Variants in HPSE2 observed in about 807,000 individuals in gnomAD.
The protein encoded by HPSE2 is inactive heparanase-2.
HPSE2 carries 38 observed loss-of-function variants against 60.5 expected under a neutral mutation model. The observed-to-expected ratio is 0.63, with a 90% CI of 0.48 to 0.82. HPSE2 has a LOEUF of 0.82. Ranked by LOEUF, HPSE2 falls within the 40% of genes least tolerant of loss-of-function variation. The pLI, the probability that HPSE2 is intolerant of heterozygous loss-of-function variation, is 0.00. For synonymous variants in HPSE2, 295 were observed against 293.2 expected (o/e 1.01, Z -0.06); for missense variants, 713 against 740.4 (o/e 0.96, Z 0.43).
intron 5 of HPSE2, among the ~76,000 whole-genome samples, chr10:98,707,467 TTTCTC>T (rs1355956996): frequency 6.6e-6 from 1 of 152,298 alleles, no homozygotes; most frequent in Non-Finnish European, 1.5e-5. Context: ...ACTGAATAGT[TTTCTC>T]TGCTATATGT....
At chr10:98,712,248 C>T (rs1335807023) in intron 5 of HPSE2, among the ~76,000 whole-genome samples, 2 of 149,972 alleles carry the variant, frequency 1.3e-5, no homozygotes, top group African/African-American at 4.9e-5. Flanking sequence ...ATTATAATGA[C>T]AGTATTTTTG....
intron 9 of HPSE2, among the ~76,000 whole-genome samples, chr10:98,502,217 CA>C (rs1388582975): frequency 2.6e-5 from 4 of 151,956 alleles, no homozygotes; most frequent in Non-Finnish European, 4.4e-5. Flanking sequence ...CATATGGAAC[CA>C]AAAAAGAGCC....
chr10:99,090,838 C>T (rs75700612), intron 3 of HPSE2, among the ~76,000 whole-genome samples: 1 of 152,028 alleles, frequency 6.6e-6, no homozygotes, highest in Non-Finnish European at 1.5e-5. Context: ...TGCTTCCACT[C>T]AAGAGCTCTG....
chr10:98,596,741 A>AT (rs1277368674), intron 9 of HPSE2, among the ~76,000 whole-genome samples: 2 of 151,990 alleles, frequency 1.3e-5, no homozygotes, highest in Non-Finnish European at 2.9e-5. Flanking sequence ...GAACTCCCTT[A>AT]TATGCGATTT....
At chr10:99,181,397 C>CAAAAAAAAAAAAAAAAAA (rs58049545) in intron 2 of HPSE2, among the ~76,000 whole-genome samples, 2 of 104,764 alleles carry the variant, frequency 1.9e-5, no homozygotes, top group African/African-American at 1.1e-4. Context: ...GACTCCGTCT[C>CAAAAAAAAAAAAAAAAAA]AAAAAAAAAA....
At chr10:99,211,124 C>T (rs1848939464) in intron 2 of HPSE2, among the ~76,000 whole-genome samples, 1 of 151,482 alleles carries the variant, frequency 6.6e-6, no homozygotes, top group South Asian at 2.1e-4. Flanking sequence ...TAACAATGAA[C>T]TATCCAAAAA....
At chr10:99,078,575 C>CTG (rs1272835893) in intron 3 of HPSE2, among the ~76,000 whole-genome samples, 1 of 152,030 alleles carries the variant, frequency 6.6e-6, no homozygotes, top group Non-Finnish European at 1.5e-5. Flanking sequence ...TTGCATGATG[C>CTG]TGAGCCTTGG....
intron 9 of HPSE2, among the ~76,000 whole-genome samples, chr10:98,535,790 C>A (rs1246814774): frequency 6.6e-6 from 1 of 152,114 alleles, no homozygotes; most frequent in Admixed American, 6.5e-5. Context: ...TTCCAGCCTG[C>A]CTCTTCATTA....
chr10:98,569,306 C>A (rs1383976336), intron 9 of HPSE2, among the ~76,000 whole-genome samples: 1 of 151,996 alleles, frequency 6.6e-6, no homozygotes, highest in Non-Finnish European at 1.5e-5. Context: ...GGTGATCCAC[C>A]CACCTTGGCC....
chr10:98,814,719 C>T (rs1169966153), intron 3 of HPSE2, among the ~76,000 whole-genome samples: 2 of 152,178 alleles, frequency 1.3e-5, no homozygotes, highest in African/African-American at 4.8e-5. Context: ...GGGTAAGAAG[C>T]AGCAGAGTTT....
At chr10:98,658,454 T>C (rs939038774) in intron 6 of HPSE2, among the ~76,000 whole-genome samples, 1 of 152,204 alleles carries the variant, frequency 6.6e-6, no homozygotes, top group Non-Finnish European at 1.5e-5. Context: ...CCACTGGCCA[T>C]ACAAAAACCC....
intron 6 of HPSE2, among the ~76,000 whole-genome samples, chr10:98,690,366 C>T (rs979568484): frequency 7.2e-5 from 11 of 152,072 alleles, no homozygotes; most frequent in East Asian, 1.9e-4. Flanking sequence ...TGGTGAAACC[C>T]CATCTCTAAT....
intron 2 of HPSE2, among the ~76,000 whole-genome samples, chr10:99,213,592 T>C (rs950697775): frequency 6.6e-6 from 1 of 152,010 alleles, no homozygotes; most frequent in African/African-American, 2.4e-5. Flanking sequence ...TTAAGAGGCA[T>C]AGAAGGCTTA....
chr10:98,765,889 ATCTACCTT>A (rs1950108987), intron 3 of HPSE2, among the ~76,000 whole-genome samples: 1 of 151,994 alleles, frequency 6.6e-6, no homozygotes, highest in African/African-American at 2.4e-5. Context: ...TAATCTAATC[ATCTACCTT>A]AAGAAGCTAT....
At chr10:98,827,570 C>T (rs1018489709) in intron 3 of HPSE2, among the ~76,000 whole-genome samples, 2 of 152,076 alleles carry the variant, frequency 1.3e-5, no homozygotes, top group South Asian at 2.1e-4. Flanking sequence ...CACCCTTCAA[C>T]AGAAAAGGGC....
the HPSE2 span, among the ~76,000 whole-genome samples, chr10:99,272,269 C>CAAAA: frequency 7.3e-6 from 1 of 137,876 alleles, no homozygotes. Flanking sequence ...GACTCCATCT[C>CAAAA]AAAAAAAAAA....
In HPSE2 at chr10:98,641,904, G is replaced by T; in HGVS notation, c.1041C>A (p.Asp347Glu). 1 of 1,613,852 alleles carries T rather than the reference G, an allele frequency of 6.2e-7. No individual in the cohort carries two copies. The change falls in exon 7 of 12, where the codon GAC becomes GAA. Residue 347 changes from aspartate to glutamate, a missense_variant. Coordinates refer to ENST00000370552, the MANE Select transcript of HPSE2 (RefSeq NM_021828.5). The part of the protein sequence containing the change: ...YIDGRVVKVM[D>E]FLKTRLLDTL... ...TGTCTAACAGGCGAGTTTTCAGGAA[G>T]TCCATCACCTTGACCACCCGGCCAT... is the stretch of plus-strand genomic sequence containing the variant.
intron 3 of HPSE2, among the ~76,000 whole-genome samples, chr10:98,797,014 G>A (rs999035350): frequency 1.3e-5 from 2 of 152,274 alleles, no homozygotes; most frequent in South Asian, 4.1e-4. Flanking sequence ...TTCTCAAGAA[G>A]GACAGGCGCA....
At chr10:99,294,381 C>CATATATA in the HPSE2 span, among the ~76,000 whole-genome samples, 2 of 143,904 alleles carry the variant, frequency 1.4e-5, no homozygotes, top group Admixed American at 7.0e-5. Context: ...ATAATACATA[C>CATATATA]ATATATAATA....
Sources: gnomAD v4.1 joint callset for allele counts (sites outside exome capture counted in the v4.1 genomes callset) on GRCh38, gnomAD v4.1.1 for gene constraint, MANE v1.5 for transcripts, NCBI Gene and HGNC (gene_info 2026-07-23, HGNC 2026-07-21) for gene names.